PSD3: variants seen among roughly 807,000 people sequenced by gnomAD.
PSD3 encodes pleckstrin and Sec7 domain containing 3.
A neutral mutation model predicts 105.5 loss-of-function variants in PSD3; 49 were observed. That is an observed-to-expected ratio of 0.46 (90% CI 0.37 to 0.59). The LOEUF (loss-of-function observed/expected upper bound fraction) is 0.59, where lower values mean the gene tolerates loss of function less well. PSD3 is among the 20% of genes least tolerant of loss of function. The probability of loss-of-function intolerance (pLI) is 0.00; values close to 1 mark genes in which losing one functional copy is unlikely to be tolerated. For missense variants in PSD3, 1,561 were observed against 1,263.8 expected (o/e 1.24, Z -3.57); for synonymous variants, 557 against 457.8 (o/e 1.22, Z -2.77).
intron 12 of PSD3, among the ~76,000 whole-genome samples, chr8:18,599,294 T>G (rs1050629934): frequency 3.3e-5 from 5 of 152,166 alleles, no homozygotes; most frequent in African/African-American, 1.2e-4. Flanking sequence ...TTATGTACTG[T>G]TGTTCAGGTA....
At chr8:18,994,779 A>C (rs1825984564) in intron 1 of PSD3, among the ~76,000 whole-genome samples, 1 of 151,844 alleles carries the variant, frequency 6.6e-6, no homozygotes, top group Non-Finnish European at 1.5e-5. Flanking sequence ...TTTCTATTGA[A>C]TAGCACCCAT....
At chr8:19,063,919 A>C (rs1047181440) in intron 1 of PSD3, among the ~76,000 whole-genome samples, 7 of 152,154 alleles carry the variant, frequency 4.6e-5, no homozygotes, top group Non-Finnish European at 1.0e-4. Context: ...AAGTGGGTGG[A>C]TCACTTGAGG....
chr8:18,847,720 G>A (rs1372053270), intron 4 of PSD3, among the ~76,000 whole-genome samples: 2 of 152,116 alleles, frequency 1.3e-5, no homozygotes, highest in East Asian at 1.9e-4. Flanking sequence ...ACAGAGCTGG[G>A]GCCAGAGCCA....
intron 9 of PSD3, chr8:18,734,288 A>G (rs1043099604): frequency 6.6e-6 from 1 of 152,218 alleles, no homozygotes; most frequent in African/African-American, 2.4e-5. Context: ...CCTTCATTCA[A>G]AGAGTTGTAC....
chr8:18,557,883 C>T (rs577330955), intron 14 of PSD3, among the ~76,000 whole-genome samples: 1 of 152,252 alleles, frequency 6.6e-6, no homozygotes. Context: ...TGAATGTGTC[C>T]ACTCAAAATT....
rs116805174 is a variant in PSD3, at chr8:18,637,014, G to A, written c.2217-4208C>T. Reference sequence around the variant, plus strand: ...ACCAAACCTAAGCCAGCACATTCCAGCCTTCTCCCACTTGCTTATCTGTAC... The same window carrying A: ...ACCAAACCTAAGCCAGCACATTCCAACCTTCTCCCACTTGCTTATCTGTAC... On this transcript the variant is annotated intron_variant, in intron 10 of 15. Transcript: ENST00000327040. 3.2e-3 allele frequency among the ~76,000 whole-genome samples: 480 copies of A among 152,258 alleles called. 5 individuals carry two copies. The highest frequency in any genetic ancestry group is 0.011 in the African/African-American group (470 of 41,552).
At chr8:18,939,854 A>T (rs1164638984) in intron 1 of PSD3, among the ~76,000 whole-genome samples, 1 of 152,182 alleles carries the variant, frequency 6.6e-6, no homozygotes, top group Non-Finnish European at 1.5e-5. Flanking sequence ...ACATTTTTAT[A>T]TCAATAAGTT....
At chr8:19,082,642 C>T (rs1442013816) in intron 1 of PSD3, among the ~76,000 whole-genome samples, 3 of 152,182 alleles carry the variant, frequency 2.0e-5, no homozygotes, top group African/African-American at 7.2e-5. Flanking sequence ...GTGCCTCTTC[C>T]CAGAGAAATG....
At chr8:18,771,623 G>C (rs1807537337) in intron 8 of PSD3, among the ~76,000 whole-genome samples, 2 of 152,076 alleles carry the variant, frequency 1.3e-5, no homozygotes, top group African/African-American at 2.4e-5. Context: ...AAATTGTTTT[G>C]AAACTCTTTT....
intron 2 of PSD3, among the ~76,000 whole-genome samples, chr8:18,919,487 C>G (rs1355397682): frequency 6.6e-6 from 1 of 151,938 alleles, no homozygotes; most frequent in Non-Finnish European, 1.5e-5. Context: ...CAAACAGAAT[C>G]AGAATTACTG....
rs1418413603 is a variant in PSD3 at position 18,872,063 on chromosome 8, A to G, written c.801T>C (p.Gly267=). The change falls in exon 3 of 16, where the codon GGT becomes GGC. Residue 267 remains glycine (G), a synonymous_variant. Transcript: ENST00000327040. ...AVTCHSAGSV[G]FLKEQRSALG... ...GAGCAGACCTCTGCTCTTTCAAGAA[A>G]CCAACACTGCCTGCAGAGTGGCAGG... is the stretch of plus-strand genomic sequence containing the variant. 1.2e-6 allele frequency: 2 copies of G among 1,614,092 alleles called. No homozygotes were observed. Among genetic ancestry groups the G allele is most frequent in the Non-Finnish European group, 1.7e-6 (2 of 1,180,018 alleles).
intron 9 of PSD3, among the ~76,000 whole-genome samples, chr8:18,758,483 T>A (rs1336382320): frequency 6.6e-6 from 1 of 151,840 alleles, no homozygotes; most frequent in African/African-American, 2.4e-5. Context: ...AGATCCTTTT[T>A]GGGGTTTGAA....
At chr8:18,968,476 G>T (rs1384930503) in intron 1 of PSD3, among the ~76,000 whole-genome samples, 1 of 152,146 alleles carries the variant, frequency 6.6e-6, no homozygotes, top group Non-Finnish European at 1.5e-5. Context: ...AACCTTCGAC[G>T]CCAGTTTTCA....
rs968932314 is a variant in PSD3 at position 18,956,579 on chromosome 8, A to G, written c.22-20437T>C. 4.6e-5 allele frequency among the ~76,000 whole-genome samples: 7 copies of G among 152,286 alleles called. No individual in the cohort carries two copies. In the South Asian group the frequency reaches 6.2e-4, roughly 14 times the overall value. ...GAGCAAGGGAGACCTAATCACCTTA[A>G]AAGAATCAGATTAATAAAAATCTTT... On this transcript the variant is annotated intron_variant, in intron 1 of 15. Transcript: ENST00000327040.
intron 9 of PSD3, among the ~76,000 whole-genome samples, chr8:18,664,519 A>G (rs1809575932): frequency 1.3e-5 from 2 of 152,188 alleles, no homozygotes; most frequent in South Asian, 4.1e-4. Flanking sequence ...TCGGTTCGTG[A>G]GGTTTAAGGA....
rs185428543 is a variant in PSD3 at position 18,871,716 on chromosome 8, C to T, written c.1148G>A (p.Arg383His). 26 of 1,614,158 alleles carry T rather than the reference C, an allele frequency of 1.6e-5. No individual in the cohort carries two copies. Among genetic ancestry groups the T allele is most frequent in the African/African-American group, 6.7e-5 (5 of 75,038 alleles). Residue 383 changes from arginine to histidine, a missense_variant, in exon 3 of 16, where the codon CGT becomes CAT. By Grantham distance (29) the Arg-to-His change is conservative. Transcript: ENST00000327040. ...GTSSGTFSPV[R>H]LDESGEDEVF... ...TTCATCCTCTCCACTCTCATCAAGA[C>T]GCACAGGGGAAAATGTCCCCGAGCT...
At chr8:18,630,547 T>C (rs750373384) in intron 11 of PSD3, among the ~76,000 whole-genome samples, 2 of 151,958 alleles carry the variant, frequency 1.3e-5, no homozygotes, top group Non-Finnish European at 2.9e-5. Flanking sequence ...AATGAAAAGA[T>C]GCTCACATGG....
chr8:18,666,952 G>T (rs138810443), intron 9 of PSD3, among the ~76,000 whole-genome samples: 80 of 152,292 alleles, frequency 5.3e-4, no homozygotes, highest in African/African-American at 1.6e-3. Flanking sequence ...TAAAGGAGAC[G>T]TGTCCGCAGT....
chr8:18,725,137 G>A (rs954010032), intron 9 of PSD3, among the ~76,000 whole-genome samples: 10 of 152,146 alleles, frequency 6.6e-5, no homozygotes, highest in African/African-American at 2.2e-4. Flanking sequence ...TATTTCCTAT[G>A]TAACCCATGC....
Sources: allele counts gnomAD v4.1 joint callset (sites outside exome capture counted in the v4.1 genomes callset), GRCh38; gene constraint gnomAD v4.1.1; transcripts MANE v1.5; gene names NCBI Gene and HGNC (gene_info 2026-07-23, HGNC 2026-07-21).